CCSER1: variants seen among roughly 807,000 people sequenced by gnomAD.
CCSER1 encodes the protein coiled-coil serine rich protein 1, also known as serine-rich coiled-coil domain-containing protein 1.
A neutral mutation model predicts 82.0 loss-of-function variants in CCSER1; 41 were observed. The observed-to-expected ratio is 0.50, with a 90% CI of 0.39 to 0.65. The LOEUF is 0.65. Ranked by LOEUF, CCSER1 falls within the 30% of genes least tolerant of loss-of-function variation. The pLI is 0.00. For missense variants in CCSER1, 1,119 were observed against 1,064.2 expected, an observed-to-expected ratio of 1.05 and a Z score of -0.72; for synonymous variants, 414 against 383.9, an observed-to-expected ratio of 1.08 and a Z score of -0.92.
intron 5 of CCSER1, among the ~76,000 whole-genome samples, chr4:90,540,034 A>G (rs1316334700): frequency 6.6e-6 from 1 of 152,106 alleles, no homozygotes; most frequent in African/African-American, 2.4e-5. Flanking sequence ...ACCATAAGTT[A>G]TCTATAAGGA....
chr4:91,567,092 A>G (rs1019377504), intron 10 of CCSER1, among the ~76,000 whole-genome samples: 1 of 152,170 alleles, frequency 6.6e-6, no homozygotes, highest in South Asian at 2.1e-4. Flanking sequence ...ATTTGTTCCC[A>G]TTATTTTCAA....
At chr4:90,565,565 G>A (rs188862402) in intron 5 of CCSER1, among the ~76,000 whole-genome samples, 1 of 152,248 alleles carries the variant, frequency 6.6e-6, no homozygotes, top group East Asian at 1.9e-4. Context: ...TGGAAGTAGC[G>A]CACCAGGCAT....
Position 90,732,027 on chromosome 4 carries a change from T to TTCTCTCTC in CCSER1, c.2010+8063_2010+8070dup, listed in dbSNP as rs76331329. Among the ~76,000 whole-genome samples, 826 of 131,158 alleles carry TTCTCTCTC rather than the reference T, an allele frequency of 6.3e-3. 18 individuals carry two copies. The highest frequency in any genetic ancestry group is 0.023 in the African/African-American group (695 of 30,832). 86.0% of individuals were successfully genotyped at this position (131,158 alleles called of 152,430 possible). On this transcript the variant is annotated intron_variant, in intron 7 of 10. Coordinates refer to ENST00000509176, the MANE Select transcript of CCSER1 (RefSeq NM_001145065.2). ...CTGAAAACACTGTACCTATTGGGAT[T>TTCTCTCTC]TCTCTCTCTCTCTCTCTCTCTCTCT...
intron 3 of CCSER1, among the ~76,000 whole-genome samples, chr4:90,395,662 CTT>C (rs763580259): frequency 2.0e-4 from 28 of 140,664 alleles, no homozygotes; most frequent in Admixed American, 2.9e-4. Flanking sequence ...GCTCTTATGT[CTT>C]TTTTTTTTTT....
chr4:91,512,454 G>T (rs924043724), intron 10 of CCSER1, among the ~76,000 whole-genome samples: 1 of 152,154 alleles, frequency 6.6e-6, no homozygotes, highest in South Asian at 2.1e-4. Context: ...TTTGGCCACA[G>T]ACTGAAGGCT....
chr4:90,187,358 ATTTTTTTT>A (rs67308500), intron 1 of CCSER1, among the ~76,000 whole-genome samples: 1 of 130,464 alleles, frequency 7.7e-6, no homozygotes, highest in East Asian at 2.2e-4. Context: ...TACAGTAGCT[ATTTTTTTT>A]TTTTTTTTTT....
At chr4:91,120,280 G>T (rs1726970551) in intron 10 of CCSER1, among the ~76,000 whole-genome samples, 2 of 152,018 alleles carry the variant, frequency 1.3e-5, no homozygotes, top group Non-Finnish European at 2.9e-5. Flanking sequence ...GGAGCAAAGT[G>T]TGGCTGTGGT....
chr4:90,819,255 G>C (rs993771997), intron 8 of CCSER1, among the ~76,000 whole-genome samples: 15 of 152,002 alleles, frequency 9.9e-5, no homozygotes, highest in African/African-American at 3.6e-4. Context: ...CTACCTCATG[G>C]CCTCATCAAA....
chr4:91,182,612 T>A (rs1363999233), intron 10 of CCSER1, among the ~76,000 whole-genome samples: 4 of 152,174 alleles, frequency 2.6e-5, no homozygotes, highest in Admixed American at 2.6e-4. Flanking sequence ...ATATTCCACA[T>A]AGAGAAAAAT....
chr4:90,620,839 T>C (rs1041682030), intron 5 of CCSER1, among the ~76,000 whole-genome samples: 33 of 152,198 alleles, frequency 2.2e-4, no homozygotes, highest in Admixed American at 1.8e-3. Context: ...AAACGGAGTC[T>C]CACACACTCT....
rs1410374238 is a variant in CCSER1 at position 90,397,840 on chromosome 4, G to A, written c.1510-2196G>A. Among the ~76,000 whole-genome samples the A allele has an allele frequency of 3.3e-5, 5 of 152,292 alleles. No homozygotes were observed. The South Asian group carries it at 8.3e-4, about 25-fold the overall frequency. ...AAATCTTTTTCTAGAAGTTTACAAT[G>A]TCTAAGATGTCCTCACTTGGTATAA... On this transcript the variant is annotated intron_variant, in intron 3 of 10. Transcript: ENST00000509176.
chr4:90,899,559 C>T (rs1352020598), intron 8 of CCSER1, among the ~76,000 whole-genome samples: 1 of 151,938 alleles, frequency 6.6e-6, no homozygotes, highest in Non-Finnish European at 1.5e-5. Flanking sequence ...TCAACTTTTA[C>T]CATTCAGTAT....
At chr4:91,285,331 A>G (rs1420278356) in intron 10 of CCSER1, among the ~76,000 whole-genome samples, 2 of 151,412 alleles carry the variant, frequency 1.3e-5, no homozygotes, top group Non-Finnish European at 3.0e-5. Context: ...AATATAGGAA[A>G]TGCTGTTATG....
At chr4:90,940,842 A>G (rs1227366882) in intron 9 of CCSER1, among the ~76,000 whole-genome samples, 1 of 152,154 alleles carries the variant, frequency 6.6e-6, no homozygotes, top group Non-Finnish European at 1.5e-5. Context: ...CTTTTCTAAC[A>G]AAAGACAAAG....
At chr4:91,137,641 G>A (rs1287568454) in intron 10 of CCSER1, among the ~76,000 whole-genome samples, 5 of 147,680 alleles carry the variant, frequency 3.4e-5, no homozygotes, top group Middle Eastern at 3.4e-3. Context: ...GTGTCAAAGT[G>A]TTCCTATTTC....
intron 8 of CCSER1, among the ~76,000 whole-genome samples, chr4:90,907,732 G>GT (rs892406600): frequency 3.6e-4 from 54 of 150,282 alleles, no homozygotes; most frequent in Admixed American, 8.6e-4. Context: ...TCTTTGTACT[G>GT]TTTTTTTTTC....
At chr4:90,234,364 C>T (rs1745347889) in intron 1 of CCSER1, among the ~76,000 whole-genome samples, 1 of 151,870 alleles carries the variant, frequency 6.6e-6, no homozygotes, top group African/African-American at 2.4e-5. Flanking sequence ...TTACAGGTGC[C>T]CGCCACCACG....
At chr4:90,993,821 T>C (rs1461600) in intron 9 of CCSER1, among the ~76,000 whole-genome samples, 7,677 of 152,182 alleles carry the variant, frequency 0.05, 486 homozygotes, top group African/African-American at 0.15. Context: ...GTTTACGTCT[T>C]CAACATACGA....
At chr4:91,249,127 CAG>C (rs926174216) in intron 10 of CCSER1, among the ~76,000 whole-genome samples, 9 of 152,022 alleles carry the variant, frequency 5.9e-5, no homozygotes, top group East Asian at 1.9e-4. Context: ...TTCTGTGAAT[CAG>C]AAACTATTCT....
Sources: allele counts gnomAD v4.1 joint callset (sites outside exome capture counted in the v4.1 genomes callset), GRCh38; gene constraint gnomAD v4.1.1; transcripts MANE v1.5; gene names NCBI Gene and HGNC (gene_info 2026-07-23, HGNC 2026-07-21).